SH3D19: variants seen among roughly 807,000 people sequenced by gnomAD.
The protein encoded by SH3D19 is SH3 domain containing 19.
SH3D19 carries 58 observed loss-of-function variants against 112.1 expected under a neutral mutation model. That is an observed-to-expected ratio of 0.52 (90% CI 0.42 to 0.64). SH3D19 has a LOEUF of 0.64. Among genes scored for constraint, SH3D19 ranks in the 30% least tolerant of loss-of-function variants. SH3D19 has a pLI of 0.00. For synonymous variants in SH3D19, 391 were observed against 448.5 expected (o/e 0.87, Z 1.62); for missense variants, 1,090 against 1,263.4 (o/e 0.86, Z 2.08).
Position 151,123,101 on chromosome 4 carries a change from T to C in SH3D19, c.3028-894A>G, listed in dbSNP as rs185242531. On this transcript the variant is annotated intron_variant, in intron 19 of 19. Transcript: ENST00000604030. ...TCCTGACCTTGTGATCCGCCCACCTTGGCCTCACAAAGTGTTGGGGTTACA... is the reference window on the plus strand; with the variant it reads ...TCCTGACCTTGTGATCCGCCCACCTCGGCCTCACAAAGTGTTGGGGTTACA... Among the ~76,000 whole-genome samples the C allele has an allele frequency of 7.4e-3, 1,121 of 152,294 alleles. 16 individuals are homozygous for C. Among genetic ancestry groups the C allele is most frequent in the African/African-American group, 0.025 (1,034 of 41,552 alleles).
intron 15 of SH3D19, among the ~76,000 whole-genome samples, chr4:151,134,833 G>A (rs1252578926): frequency 6.6e-6 from 1 of 152,168 alleles, no homozygotes; most frequent in Non-Finnish European, 1.5e-5. Flanking sequence ...ATCACCATAT[G>A]AAGTGTTTTC....
intron 1 of SH3D19, among the ~76,000 whole-genome samples, chr4:151,298,777 T>A (rs72725933): frequency 0.013 from 2,001 of 152,324 alleles, 16 homozygotes; most frequent in Non-Finnish European, 0.021. Context: ...TTCATAGAAC[T>A]CCCAGAACAT....
chr4:151,210,159 G>T (rs540803279), intron 2 of SH3D19, among the ~76,000 whole-genome samples: 34 of 152,158 alleles, frequency 2.2e-4, no homozygotes, highest in Admixed American at 5.2e-4. Context: ...TATATTTTTT[G>T]TTCCATTAAT....
At chr4:151,222,107 C>A (rs1376098107) in intron 2 of SH3D19, among the ~76,000 whole-genome samples, 1 of 152,204 alleles carries the variant, frequency 6.6e-6, no homozygotes, top group African/African-American at 2.4e-5. Context: ...CACAGAGTAG[C>A]CCATTCCATT....
intron 1 of SH3D19, chr4:151,283,141 A>C: frequency 6.2e-7 from 1 of 1,613,826 alleles, no homozygotes; most frequent in Non-Finnish European, 8.5e-7. Context: ...TCTGCCCTTC[A>C]GGAAGCAGAA....
At position 151,198,672 on chromosome 4, in the gene SH3D19, T is replaced by C. The variant is rs2407419; in HGVS notation, c.153-11209A>G. ...ATACACTCAATCAATGGTTGAGAAA[T>C]AATGAAGCAACAAATATATACATAA... On this transcript the variant is annotated intron_variant, in intron 2 of 19. Coordinates refer to ENST00000604030, the MANE Select transcript of SH3D19 (RefSeq NM_001378122.1). Among the ~76,000 whole-genome samples, 1,155 of 151,724 alleles carry C rather than the reference T, an allele frequency of 7.6e-3. 14 individuals carry two copies. Among genetic ancestry groups the C allele is most frequent in the South Asian group, 0.025 (120 of 4,812 alleles).
intron 1 of SH3D19, among the ~76,000 whole-genome samples, chr4:151,258,634 C>G (rs1772126364): frequency 6.6e-6 from 1 of 152,226 alleles, no homozygotes; most frequent in African/African-American, 2.4e-5. Context: ...AGACACCCTG[C>G]TCTCCCAGGA....
At chr4:151,255,089 T>G (rs1425609055) in intron 1 of SH3D19, among the ~76,000 whole-genome samples, 1 of 136,636 alleles carries the variant, frequency 7.3e-6, no homozygotes, top group Non-Finnish European at 1.5e-5. Context: ...GACCCCCACC[T>G]CCCTCCCGGA....
intron 1 of SH3D19, among the ~76,000 whole-genome samples, chr4:151,312,924 T>A (rs940453977): frequency 1.3e-5 from 2 of 148,538 alleles, no homozygotes; most frequent in East Asian, 2.0e-4. Context: ...ATAAATAAAA[T>A]AAATAAATAA....
Position 151,190,631 on chromosome 4 carries a change from G to A in SH3D19, c.153-3168C>T, listed in dbSNP as rs562799024. On this transcript the variant is annotated intron_variant, in intron 2 of 19. Transcript: ENST00000604030. Reference sequence around the variant, plus strand: ...TGGCAGCTTCCATGTGGTGTTGAGCGTGCAAGTGCACAGAAGTCAAGAATT... The same window carrying A: ...TGGCAGCTTCCATGTGGTGTTGAGCATGCAAGTGCACAGAAGTCAAGAATT... 7.2e-5 allele frequency among the ~76,000 whole-genome samples: 11 copies of A among 152,336 alleles called. No homozygotes were observed. In the South Asian group the frequency reaches 1.7e-3, roughly 23 times the overall value.
intron 2 of SH3D19, among the ~76,000 whole-genome samples, chr4:151,209,210 C>T (rs1479396263): frequency 6.6e-6 from 1 of 152,020 alleles, no homozygotes; most frequent in Non-Finnish European, 1.5e-5. Flanking sequence ...GACCCAAGTA[C>T]TTCACACACT....
At chr4:151,176,114 C>T (rs933967253) in intron 6 of SH3D19, among the ~76,000 whole-genome samples, 1 of 152,114 alleles carries the variant, frequency 6.6e-6, no homozygotes, top group Admixed American at 6.5e-5. Context: ...TCAAGCAATC[C>T]ACCCGCCTTA....
chr4:151,164,351 CTGTG>C (rs750691278), intron 8 of SH3D19, among the ~76,000 whole-genome samples: 1 of 151,774 alleles, frequency 6.6e-6, no homozygotes, highest in African/African-American at 2.4e-5. Context: ...CTGGAACCCA[CTGTG>C]TGTGTGTGTA....
chr4:151,139,940 G>A (rs1040455502), intron 12 of SH3D19, 93 bp from the exon 13 acceptor site: 6 of 1,029,488 alleles, frequency 5.8e-6, no homozygotes, highest in Non-Finnish European at 8.9e-6. Context: ...TCTCATTAGA[G>A]TCCTCTTGAC....
At chr4:151,187,354 G>A in intron 3 of SH3D19, 69 bp downstream of exon 3, 1 of 954,300 alleles carries the variant, frequency 1.0e-6, no homozygotes, top group Non-Finnish European at 1.4e-6. Flanking sequence ...ACAATCACCT[G>A]CTGGAAATCT....
chr4:151,150,084 C>G (rs76002306), intron 9 of SH3D19, among the ~76,000 whole-genome samples: 4 of 144,484 alleles, frequency 2.8e-5, no homozygotes, highest in African/African-American at 1.0e-4. Context: ...ACTTGGGAGG[C>G]TGAGGCAGGA....
intron 2 of SH3D19, among the ~76,000 whole-genome samples, chr4:151,211,089 G>C (rs961357042): frequency 2.0e-5 from 3 of 152,026 alleles, no homozygotes; most frequent in African/African-American, 7.3e-5. Context: ...AAAAATATAA[G>C]ATATCTGACT....
At chr4:151,255,850 C>T (rs763307117) in intron 1 of SH3D19, among the ~76,000 whole-genome samples, 4 of 152,230 alleles carry the variant, frequency 2.6e-5, no homozygotes, top group African/African-American at 7.2e-5. Context: ...CACAGCGAAA[C>T]ACCGTCTCCA....
chr4:151,309,497 T>G (rs772953571), intron 1 of SH3D19, among the ~76,000 whole-genome samples: 3 of 152,114 alleles, frequency 2.0e-5, no homozygotes, highest in African/African-American at 7.2e-5. Flanking sequence ...ATATCCAAAA[T>G]ATATTAGGAA....
Sources: gnomAD v4.1 joint callset for allele counts (sites outside exome capture counted in the v4.1 genomes callset) on GRCh38, gnomAD v4.1.1 for gene constraint, MANE v1.5 for transcripts, NCBI Gene and HGNC (gene_info 2026-07-23, HGNC 2026-07-21) for gene names.